Variants in ARHGAP6 observed in about 807,000 individuals in gnomAD.
ARHGAP6 encodes rho GTPase-activating protein 6.
ARHGAP6 carries 16 observed loss-of-function variants against 55.7 expected under a neutral mutation model. That is an observed-to-expected ratio of 0.29 (90% CI 0.19 to 0.44). The LOEUF (loss-of-function observed/expected upper bound fraction) is 0.44, where lower values mean the gene tolerates loss of function less well. Among genes scored for constraint, ARHGAP6 ranks in the 20% least tolerant of loss-of-function variants. The probability of loss-of-function intolerance (pLI) is 1.00; values close to 1 mark genes in which losing one functional copy is unlikely to be tolerated. For missense variants in ARHGAP6, 698 were observed against 808.9 expected (o/e 0.86, Z 1.66); for synonymous variants, 382 against 360.9 (o/e 1.06, Z -0.66).
intron 2 of ARHGAP6, among the ~76,000 whole-genome samples, chrX:11,232,826 GC>G (rs2047152303): frequency 2.7e-5 from 3 of 111,252 alleles, no homozygotes; most frequent in Non-Finnish European, 5.7e-5. Flanking sequence ...ACAAAATTGT[GC>G]CCCCTTTCCT....
intron 1 of ARHGAP6, among the ~76,000 whole-genome samples, chrX:11,493,094 A>C (rs934664386): frequency 8.9e-6 from 1 of 112,213 alleles, no homozygotes; most frequent in Non-Finnish European, 1.9e-5. Flanking sequence ...GAGAAAAAAC[A>C]AATCTCATTT....
chrX:11,224,814 C>G lies in ARHGAP6; in HGVS notation c.749-27818G>C, dbSNP rs756949863. On this transcript the variant is annotated intron_variant, in intron 2 of 12. Coordinates refer to ENST00000337414, the MANE Select transcript of ARHGAP6 (RefSeq NM_013427.3). Reference sequence around the variant, plus strand: ...GAGCTGTAGTACTGAAGTGAGTGACCTACAGTGACAGGGAGGTAGTGGCTG... The same window carrying G: ...GAGCTGTAGTACTGAAGTGAGTGACGTACAGTGACAGGGAGGTAGTGGCTG... 7.5e-4 allele frequency among the ~76,000 whole-genome samples: 83 copies of G among 110,734 alleles called. 1 individual carries two copies. Among genetic ancestry groups the G allele is most frequent in the Non-Finnish European group, 1.4e-3 (72 of 52,913 alleles).
At chrX:11,356,108 C>A (rs1418016175) in intron 1 of ARHGAP6, among the ~76,000 whole-genome samples, 1 of 111,139 alleles carries the variant, frequency 9.0e-6, no homozygotes, top group African/African-American at 3.3e-5. Context: ...TAACTTTCTA[C>A]TTTTGCTCCA....
At chrX:11,353,820 T>C (rs2048892270) in intron 1 of ARHGAP6, among the ~76,000 whole-genome samples, 1 of 110,795 alleles carries the variant, frequency 9.0e-6, no homozygotes, top group South Asian at 3.9e-4. Context: ...ACCTCATCAT[T>C]GGAAAGGGTG....
intron 1 of ARHGAP6, among the ~76,000 whole-genome samples, chrX:11,501,555 C>T (rs1271924929): frequency 2.7e-5 from 3 of 111,305 alleles, no homozygotes; most frequent in African/African-American, 6.5e-5. Flanking sequence ...GGGCGCCAAA[C>T]TCCCATGCAG....
chrX:11,278,363 A>G (rs1383104205), intron 1 of ARHGAP6, among the ~76,000 whole-genome samples: 1 of 111,233 alleles, frequency 9.0e-6, no homozygotes, highest in East Asian at 2.8e-4. Flanking sequence ...AGTTTGAGGA[A>G]GATGTGACTA....
At chrX:11,194,513 G>A (rs998259895) in intron 3 of ARHGAP6, among the ~76,000 whole-genome samples, 3 of 111,771 alleles carry the variant, frequency 2.7e-5, no homozygotes, top group Non-Finnish European at 5.6e-5. Flanking sequence ...TCAGGGGTGC[G>A]GATCACTGAC....
At chrX:11,471,995 A>G (rs1037880484) in intron 1 of ARHGAP6, among the ~76,000 whole-genome samples, 1 of 112,303 alleles carries the variant, frequency 8.9e-6, no homozygotes, top group African/African-American at 3.2e-5. Flanking sequence ...TCTGGGGGAG[A>G]GACAGAGCAA....
intron 1 of ARHGAP6, among the ~76,000 whole-genome samples, chrX:11,304,280 G>A (rs951998116): frequency 3.6e-5 from 4 of 110,046 alleles, no homozygotes; most frequent in Non-Finnish European, 7.6e-5. Flanking sequence ...AGTAGAAACG[G>A]GGTTTCACCA....
intron 2 of ARHGAP6, among the ~76,000 whole-genome samples, chrX:11,205,282 G>A (rs1366091499): frequency 4.5e-5 from 5 of 111,323 alleles, no homozygotes; most frequent in East Asian, 5.6e-4. Flanking sequence ...AGTCTTTGCC[G>A]TGGGGACTGT....
chrX:11,580,537 A>G (rs2051654253), intron 1 of ARHGAP6, among the ~76,000 whole-genome samples: 1 of 112,466 alleles, frequency 8.9e-6, no homozygotes, highest in African/African-American at 3.2e-5. Context: ...AAGATAATAA[A>G]TAAGTACTAG....
chrX:11,570,502 G>A (rs914912455), intron 1 of ARHGAP6, among the ~76,000 whole-genome samples: 1 of 110,764 alleles, frequency 9.0e-6, no homozygotes, highest in Non-Finnish European at 1.9e-5. Flanking sequence ...ATTATTGAGT[G>A]CTTACAGTGT....
At chrX:11,445,899 A>G (rs1465464083) in intron 1 of ARHGAP6, among the ~76,000 whole-genome samples, 1 of 111,129 alleles carries the variant, frequency 9.0e-6, no homozygotes, top group Admixed American at 9.6e-5. Flanking sequence ...TGGGCCATGC[A>G]CATTCCAAAG....
intron 1 of ARHGAP6, among the ~76,000 whole-genome samples, chrX:11,303,544 A>G (rs920250633): frequency 8.9e-6 from 1 of 112,366 alleles, no homozygotes; most frequent in Admixed American, 9.4e-5. Context: ...TCATTGTCCT[A>G]TGGTCAACAA....
chrX:11,389,892 T>C (rs772514861), intron 1 of ARHGAP6, among the ~76,000 whole-genome samples: 175 of 112,063 alleles, frequency 1.6e-3, no homozygotes, highest in African/African-American at 5.4e-3. Flanking sequence ...CAGTCTCTGA[T>C]CTGTGATAAC....
rs969224881 is a variant in ARHGAP6, at chrX:11,407,696, T to C, written c.589-152989A>G. Reference sequence around the variant, plus strand: ...TTCATCATTACTATCCTGGTGGGTGTAAAGTGGTATTTCCTTGTGGTTTTG... The same window carrying C: ...TTCATCATTACTATCCTGGTGGGTGCAAAGTGGTATTTCCTTGTGGTTTTG... On this transcript the variant is annotated intron_variant, in intron 1 of 12. Coordinates refer to ENST00000337414, the MANE Select transcript of ARHGAP6 (RefSeq NM_013427.3). Among the ~76,000 whole-genome samples the C allele has an allele frequency of 4.5e-5, 5 of 112,018 alleles. No individual in the cohort carries two copies. The Admixed American group carries it at 4.8e-4, about 11-fold the overall frequency.
intron 9 of ARHGAP6, among the ~76,000 whole-genome samples, chrX:11,167,257 C>T (rs997866741): frequency 1.8e-4 from 20 of 110,821 alleles, no homozygotes; most frequent in African/African-American, 6.6e-4. Flanking sequence ...CGAACATAAA[C>T]GAGAAATTTG....
intron 1 of ARHGAP6, among the ~76,000 whole-genome samples, chrX:11,330,503 C>T (rs180988233): frequency 1.4e-3 from 154 of 111,352 alleles, no homozygotes; most frequent in African/African-American, 4.4e-3. Context: ...GGTCTTAGAA[C>T]GCCAGGAAGC....
chrX:11,214,062 G>A (rs73184318), intron 2 of ARHGAP6, among the ~76,000 whole-genome samples: 540 of 110,611 alleles, frequency 4.9e-3, no homozygotes, highest in Admixed American at 9.4e-3. Context: ...CTTGCCTTAG[G>A]AATATTCTCT....
Sources: allele counts gnomAD v4.1 joint callset (sites outside exome capture counted in the v4.1 genomes callset), GRCh38; gene constraint gnomAD v4.1.1; transcripts MANE v1.5; gene names NCBI Gene and HGNC (gene_info 2026-07-23, HGNC 2026-07-21).